SH3D19: variants seen among roughly 807,000 people sequenced by gnomAD.
The protein encoded by SH3D19 is SH3 domain-containing protein 19.
Under a neutral mutation model 112.1 loss-of-function variants are expected in SH3D19, and 58 were observed. The ratio of observed to expected loss-of-function variants is 0.52; its 90% CI spans 0.42 to 0.64. The LOEUF is 0.64. Among genes scored for constraint, SH3D19 ranks in the 30% least tolerant of loss-of-function variants. SH3D19 has a pLI of 0.00. For synonymous variants in SH3D19, 391 were observed against 448.5 expected (o/e 0.87, Z 1.62); for missense variants, 1,090 against 1,263.4 (o/e 0.86, Z 2.08).
chr4:151,197,281 T>C (rs1024556491), intron 2 of SH3D19, among the ~76,000 whole-genome samples: 3 of 152,258 alleles, frequency 2.0e-5, no homozygotes, highest in Non-Finnish European at 4.4e-5. Flanking sequence ...GCTGGGCACC[T>C]TAGGGTAAAA....
At position 151,150,958 on chromosome 4, in the gene SH3D19, CTTTTTTT is replaced by C. The variant is rs10714871; in HGVS notation, c.1756-1404_1756-1398del. 7.3e-4 allele frequency among the ~76,000 whole-genome samples: 81 copies of C among 110,882 alleles called. 1 individual carries two copies. The highest frequency in any genetic ancestry group is 3.5e-4 in the Non-Finnish European group (19 of 54,324). The allele number at this position is 110,882 out of a possible 152,430, so 72.7% of individuals were successfully genotyped here. On this transcript the variant is annotated intron_variant, in intron 9 of 19. Transcript: ENST00000604030. ...AGGGGGAAAAAGCCCTCACAAAATT[CTTTTTTT>C]TTTTTTTTTTTTGGAGACAGAGTCT...
chr4:151,207,473 T>C (rs1412696852), intron 2 of SH3D19, among the ~76,000 whole-genome samples: 2 of 152,172 alleles, frequency 1.3e-5, no homozygotes, highest in African/African-American at 4.8e-5. Flanking sequence ...CTCAAAGAAA[T>C]GCAATGAGCT....
intron 2 of SH3D19, among the ~76,000 whole-genome samples, chr4:151,211,577 T>TAAAA (rs36073560): frequency 7.1e-6 from 1 of 141,766 alleles, no homozygotes. Flanking sequence ...ATCTGTTAAT[T>TAAAA]AAAAAAAAAA....
chr4:151,268,120 A>G (rs548995054), intron 1 of SH3D19, among the ~76,000 whole-genome samples: 1 of 152,288 alleles, frequency 6.6e-6, no homozygotes, highest in East Asian at 1.9e-4. Context: ...CCAACTACAC[A>G]CCTAGGTTAC....
At chr4:151,259,289 C>T (rs1184742321) in intron 1 of SH3D19, among the ~76,000 whole-genome samples, 1 of 152,130 alleles carries the variant, frequency 6.6e-6, no homozygotes, top group Non-Finnish European at 1.5e-5. Context: ...TGAGGATGAA[C>T]CAGAGAATCT....
intron 3 of SH3D19, among the ~76,000 whole-genome samples, chr4:151,185,103 A>G (rs923988555): frequency 5.2e-5 from 6 of 115,290 alleles, no homozygotes; most frequent in South Asian, 2.7e-4. Flanking sequence ...TTTATTGCCC[A>G]TGTCTTCGCT....
intron 1 of SH3D19, among the ~76,000 whole-genome samples, chr4:151,322,850 A>G (rs72725950): frequency 0.3 from 45,002 of 151,836 alleles, 7,024 homozygotes; most frequent in East Asian, 0.37. Context: ...AATACAGGAC[A>G]ATTCCACTTA....
At chr4:151,306,715 C>T (rs1424099834) in intron 1 of SH3D19, among the ~76,000 whole-genome samples, 1 of 152,188 alleles carries the variant, frequency 6.6e-6, no homozygotes. Flanking sequence ...TATGTAAGTA[C>T]TCATCATTAA....
intron 18 of SH3D19, 42 bp from the exon 19 acceptor site, chr4:151,127,757 G>T: frequency 2.6e-6 from 3 of 1,142,974 alleles, no homozygotes; most frequent in Non-Finnish European, 3.7e-6. Context: ...AAACACAGTG[G>T]ACTAAAACAC....
chr4:151,191,089 C>T (rs1004884233), intron 2 of SH3D19, among the ~76,000 whole-genome samples: 1 of 152,170 alleles, frequency 6.6e-6, no homozygotes, highest in African/African-American at 2.4e-5. Context: ...TTTGACCTGC[C>T]CTGCTGGATT....
rs1747941280 is a variant in SH3D19 at position 151,121,263 on chromosome 4, T to A, written c.*828A>T. The A allele has an allele frequency of 6.6e-6, 1 of 152,632 alleles. No homozygotes were observed. The highest frequency in any genetic ancestry group is 1.5e-5 in the Non-Finnish European group (1 of 68,028). The allele number at this position is 152,632 out of a possible 1,614,324, so 9.5% of individuals were successfully genotyped here. ...CTGGAATAATGCAAAGAAAATGAAT[T>A]TTCCTTTGGGTCCAGTAATTGTCAA... On this transcript the variant is annotated 3_prime_UTR_variant, in exon 20 of 20. Transcript: ENST00000604030.
chr4:151,281,668 G>GTTATTTATTTATTTAT (rs148514083), intron 1 of SH3D19, among the ~76,000 whole-genome samples: 6 of 150,788 alleles, frequency 4.0e-5, no homozygotes, highest in African/African-American at 7.3e-5. Context: ...CAGAGAACTT[G>GTTATTTATTTATTTAT]TTATTTATTT....
At chr4:151,259,902 ACCCAGGAGACATCC>A (rs1224489887) in intron 1 of SH3D19, among the ~76,000 whole-genome samples, 2 of 152,102 alleles carry the variant, frequency 1.3e-5, no homozygotes, top group African/African-American at 4.8e-5. Context: ...CGAAGCCTCT[ACCCAGGAGACATCC>A]CCCAGGAAGG....
chr4:151,209,494 G>A (rs1765626780), intron 2 of SH3D19, among the ~76,000 whole-genome samples: 1 of 151,942 alleles, frequency 6.6e-6, no homozygotes, highest in Admixed American at 6.6e-5. Context: ...TGGCCAGGCT[G>A]GTCCCGAACT....
At chr4:151,296,436 C>T (rs1775722110) in intron 1 of SH3D19, among the ~76,000 whole-genome samples, 1 of 152,134 alleles carries the variant, frequency 6.6e-6, no homozygotes, top group Admixed American at 6.6e-5. Context: ...GGGAGCCACT[C>T]GGAGTTGGCA....
intron 6 of SH3D19, among the ~76,000 whole-genome samples, chr4:151,176,007 A>G (rs1161985249): frequency 6.6e-6 from 1 of 151,944 alleles, no homozygotes; most frequent in Admixed American, 6.6e-5. Flanking sequence ...AGTAGCTGGG[A>G]CTACAGACAC....
intron 3 of SH3D19, among the ~76,000 whole-genome samples, chr4:151,182,139 C>G (rs1005634585): frequency 6.6e-6 from 1 of 152,044 alleles, no homozygotes; most frequent in Non-Finnish European, 1.5e-5. Context: ...CAGGCATGCA[C>G]GACCACACCT....
intron 2 of SH3D19, among the ~76,000 whole-genome samples, chr4:151,210,473 C>T (rs920931714): frequency 6.0e-5 from 9 of 149,812 alleles, no homozygotes; most frequent in Non-Finnish European, 8.8e-5. Context: ...GCAATCTCAG[C>T]TTACTGCAAG....
At chr4:151,322,354 AC>A (rs1162138333) in intron 1 of SH3D19, among the ~76,000 whole-genome samples, 1 of 149,826 alleles carries the variant, frequency 6.7e-6, no homozygotes, top group Admixed American at 6.7e-5. Flanking sequence ...AATCACTTGA[AC>A]CTGGGAGGTG....
Sources: gnomAD v4.1 joint callset for allele counts (sites outside exome capture counted in the v4.1 genomes callset) on GRCh38, gnomAD v4.1.1 for gene constraint, MANE v1.5 for transcripts, NCBI Gene and HGNC (gene_info 2026-07-23, HGNC 2026-07-21) for gene names.